The following STRBP variants were observed in gnomAD, a reference collection of about 807,000 sequenced individuals.
STRBP encodes the protein spermatid perinuclear RNA binding protein.
A neutral mutation model predicts 80.1 loss-of-function variants in STRBP; 13 were observed. The ratio of observed to expected loss-of-function variants is 0.16; its 90% CI spans 0.11 to 0.26. The LOEUF is 0.26. Ranked by LOEUF, STRBP falls within the 10% of genes least tolerant of loss-of-function variation. The pLI, the probability that STRBP is intolerant of heterozygous loss-of-function variation, is 1.00. For missense variants in STRBP, 485 were observed against 815.2 expected, an observed-to-expected ratio of 0.59 and a Z score of 4.93; for synonymous variants, 284 against 291.2, an observed-to-expected ratio of 0.98 and a Z score of 0.25.
At chr9:123,140,819 GTA>G (rs1157932053) in intron 13 of STRBP, among the ~76,000 whole-genome samples, 13 of 152,176 alleles carry the variant, frequency 8.5e-5, no homozygotes, top group African/African-American at 3.1e-4. Flanking sequence ...AGAAGAATGT[GTA>G]TATGTGTGTG....
rs1564226783 is a variant in STRBP, at chr9:123,139,489, C to T, written c.1497+40G>A. On this transcript the variant is annotated intron_variant, in intron 14 of 18. Transcript: ENST00000348403. ...CATCTCTCAAATTTCCTACAATGCACATATATGTTATTTTTTTTCTGAGAA... is the reference window on the plus strand; with the variant it reads ...CATCTCTCAAATTTCCTACAATGCATATATATGTTATTTTTTTTCTGAGAA... 6 of 1,492,812 alleles carry T rather than the reference C, an allele frequency of 4.0e-6. No homozygotes were observed. The South Asian group carries it at 6.7e-5, about 17-fold the overall frequency. 92.5% of individuals were successfully genotyped at this position (1,492,812 alleles called of 1,614,324 possible).
intron 1 of STRBP, among the ~76,000 whole-genome samples, chr9:123,267,605 C>T (rs2041298444): frequency 2.0e-5 from 3 of 151,926 alleles, no homozygotes; most frequent in Admixed American, 1.3e-4. Context: ...CCCTATCACC[C>T]CAGAAGCCTA....
At chr9:123,216,803 T>C (rs1432651169) in intron 2 of STRBP, among the ~76,000 whole-genome samples, 2 of 152,218 alleles carry the variant, frequency 1.3e-5, no homozygotes, top group Non-Finnish European at 2.9e-5. Context: ...CAGGACACTT[T>C]GCATTAATTA....
At chr9:123,204,675 T>C (rs2039449115) in intron 2 of STRBP, among the ~76,000 whole-genome samples, 1 of 152,068 alleles carries the variant, frequency 6.6e-6, no homozygotes, top group African/African-American at 2.4e-5. Context: ...CCCAGCACTT[T>C]GGGAGGCCGA....
chr9:123,195,926 AATTAC>A, intron 2 of STRBP, among the ~76,000 whole-genome samples: 1 of 152,362 alleles, frequency 6.6e-6, no homozygotes, highest in East Asian at 1.9e-4. Context: ...AAACTGGAGG[AATTAC>A]ATTATCTGAC....
At chr9:123,201,673 T>C (rs1015959745) in intron 2 of STRBP, among the ~76,000 whole-genome samples, 12 of 152,236 alleles carry the variant, frequency 7.9e-5, no homozygotes, top group African/African-American at 2.2e-4. Context: ...TGGCCTATCA[T>C]ATAATCTATC....
At chr9:123,142,110 T>C (rs2036613447) in intron 13 of STRBP, among the ~76,000 whole-genome samples, 1 of 152,154 alleles carries the variant, frequency 6.6e-6, no homozygotes, top group Non-Finnish European at 1.5e-5. Context: ...TCATCCCCCA[T>C]TGATATGGTT....
At chr9:123,143,752 A>G (rs546815362) in intron 13 of STRBP, among the ~76,000 whole-genome samples, 3 of 152,370 alleles carry the variant, frequency 2.0e-5, no homozygotes, top group South Asian at 4.1e-4. Flanking sequence ...AAAGATGTAA[A>G]GCAATAAAAT....
chr9:123,143,861 T>A (rs565613421), intron 13 of STRBP, among the ~76,000 whole-genome samples: 4 of 152,212 alleles, frequency 2.6e-5, no homozygotes, highest in Admixed American at 2.6e-4. Context: ...ATAAGAGCAA[T>A]CTTTGAGTTA....
intron 11 of STRBP, among the ~76,000 whole-genome samples, chr9:123,155,019 G>A (rs538511983): frequency 2.0e-5 from 3 of 152,166 alleles, no homozygotes; most frequent in Non-Finnish European, 4.4e-5. Context: ...ATAATTGCTG[G>A]AATAATGTCC....
chr9:123,253,402 C>T (rs80000016), intron 1 of STRBP, among the ~76,000 whole-genome samples: 4,820 of 152,302 alleles, frequency 0.032, 251 homozygotes, highest in African/African-American at 0.11. Flanking sequence ...ATCCCCTTCC[C>T]TTACACACTG....
intron 2 of STRBP, among the ~76,000 whole-genome samples, chr9:123,205,116 A>G (rs1344851753): frequency 6.6e-6 from 1 of 151,858 alleles, no homozygotes; most frequent in East Asian, 1.9e-4. Context: ...AAATACAAAA[A>G]TTAGCTGGGT....
intron 6 of STRBP, among the ~76,000 whole-genome samples, chr9:123,166,906 G>A (rs981111645): frequency 1.3e-5 from 2 of 152,160 alleles, no homozygotes; most frequent in Admixed American, 1.3e-4. Context: ...TTCAAGTAAA[G>A]GGTTAGAATA....
intron 2 of STRBP, among the ~76,000 whole-genome samples, chr9:123,206,943 GA>G (rs1156881926): frequency 1.3e-5 from 2 of 152,016 alleles, no homozygotes; most frequent in Non-Finnish European, 2.9e-5. Context: ...CAGCCAAGAA[GA>G]TTTTTTAAAT....
At chr9:123,148,727 TTC>T (rs763831213) in intron 11 of STRBP, among the ~76,000 whole-genome samples, 13 of 152,342 alleles carry the variant, frequency 8.5e-5, no homozygotes, top group East Asian at 5.8e-4. Flanking sequence ...TATAAAAATG[TTC>T]TCTCATATCA....
intron 2 of STRBP, among the ~76,000 whole-genome samples, chr9:123,222,458 G>T (rs1382725352): frequency 1.3e-5 from 2 of 151,920 alleles, no homozygotes; most frequent in Non-Finnish European, 2.9e-5. Flanking sequence ...TCTGCTGGCT[G>T]CCATTGCTTT....
chr9:123,180,528 A>G (rs2132454794), intron 3 of STRBP, among the ~76,000 whole-genome samples: 1 of 152,346 alleles, frequency 6.6e-6, no homozygotes, highest in South Asian at 2.1e-4. Flanking sequence ...TTAAATCTCA[A>G]CAAAAATCAT....
In STRBP at chr9:123,123,676, A is replaced by G. The variant is rs2035800845; in HGVS notation, c.*1921T>C. ...ACTTCAAAAGAATTTTCTAACGAGA[A>G]ATATCTAGAGATTCCAACGTGGAAT... is the stretch of plus-strand genomic sequence containing the variant. On this transcript the variant is annotated 3_prime_UTR_variant, in exon 19 of 19. Coordinates refer to ENST00000348403, the MANE Select transcript of STRBP (RefSeq NM_018387.5). 1 of 985,312 alleles carries G rather than the reference A, an allele frequency of 1.0e-6. No individual in the cohort carries two copies. Among genetic ancestry groups the G allele is most frequent in the Admixed American group, 6.1e-5 (1 of 16,270 alleles). 61.0% of individuals were successfully genotyped at this position (985,312 alleles called of 1,614,324 possible).
At chr9:123,211,097 T>C (rs778865437) in intron 2 of STRBP, among the ~76,000 whole-genome samples, 1 of 152,196 alleles carries the variant, frequency 6.6e-6, no homozygotes, top group Non-Finnish European at 1.5e-5. Flanking sequence ...AGAATGTTCA[T>C]AGCAAGACTG....
Sources: gnomAD v4.1 joint callset for allele counts (sites outside exome capture counted in the v4.1 genomes callset) on GRCh38, gnomAD v4.1.1 for gene constraint, MANE v1.5 for transcripts, NCBI Gene and HGNC (gene_info 2026-07-23, HGNC 2026-07-21) for gene names.